DOK1: variants seen among roughly 807,000 people sequenced by gnomAD.
The protein encoded by DOK1 is docking protein 1, also known as Downstream of tyrosine kinase 1.
A neutral mutation model predicts 24.0 loss-of-function variants in DOK1; 12 were observed. The ratio of observed to expected loss-of-function variants is 0.50; its 90% CI spans 0.32 to 0.81. The LOEUF is 0.81. DOK1 is among the 30% of genes least tolerant of loss of function. The probability of loss-of-function intolerance (pLI) is 0.03; values close to 1 mark genes in which losing one functional copy is unlikely to be tolerated. For synonymous variants in DOK1, 250 were observed against 260.9 expected (o/e 0.96, Z 0.40); for missense variants, 591 against 620.7 (o/e 0.95, Z 0.51).
At position 74,557,204 on chromosome 2, in the gene DOK1, A is replaced by G; in HGVS notation, c.*90A>G. 7.5e-7 allele frequency: 1 copy of G among 1,334,288 alleles called. No homozygotes were observed. The highest frequency in any genetic ancestry group is 1.4e-5 in the South Asian group (1 of 69,194). 82.7% of individuals were successfully genotyped at this position (1,334,288 alleles called of 1,614,324 possible). On this transcript the variant is annotated 3_prime_UTR_variant, in exon 5 of 5. Transcript: ENST00000233668. ...GATGGTTAGAACCAGCAGAAGCCAGAGGGTGGGAGGGGCCATGCTGTGTGA... is the reference window on the plus strand; with the variant it reads ...GATGGTTAGAACCAGCAGAAGCCAGGGGGTGGGAGGGGCCATGCTGTGTGA...
upstream of DOK1, chr2:74,554,407 T>TAAAAAA: frequency 3.4e-6 from 1 of 293,412 alleles, no homozygotes; most frequent in Non-Finnish European, 6.4e-6. The surrounding 1 kb of genome is among the most constrained non-coding windows in gnomAD (Gnocchi z 4.9). Flanking sequence ...CGGGGCGCTT[T>TAAAAAA]CGGGGTGATG....
chr2:74,549,655 C>A lies in DOK1; in HGVS notation c.-358+483C>A. ...CATGTGTCCCGCCGCCCTTAAGGAACCCTGCTTGGTGTGCCTGCTGTAAAC... is the reference window on the plus strand; with the variant it reads ...CATGTGTCCCGCCGCCCTTAAGGAAACCTGCTTGGTGTGCCTGCTGTAAAC... On this transcript the variant is annotated intron_variant, in intron 1 of 4. Coordinates refer to the DOK1 transcript ENST00000409429. The surrounding 1 kb of genome is among the most constrained non-coding windows in gnomAD (Gnocchi z 5.3). The A allele has an allele frequency of 2.0e-6, 3 of 1,510,138 alleles. No homozygotes were observed. Among genetic ancestry groups the A allele is most frequent in the Non-Finnish European group, 2.7e-6 (3 of 1,121,424 alleles). The allele number at this position is 1,510,138 out of a possible 1,614,324, so 93.5% of individuals were successfully genotyped here. A position where few individuals can be genotyped will look rare whatever the true frequency, so the allele number is the denominator to read the frequency against.
upstream of DOK1, chr2:74,553,921 T>G (rs1315566540): frequency 1.4e-5 from 2 of 147,132 alleles, no homozygotes; most frequent in Admixed American, 6.7e-5. Flanking sequence ...GTGCTGGTCC[T>G]GGAGATCAGT....
In DOK1 at chr2:74,556,388, C is replaced by A; in HGVS notation, c.720C>A (p.Asp240Glu). The change falls in exon 5 of 5, where the codon GAC (aspartate) becomes GAA (glutamate). Residue 240 changes from aspartate (D) to glutamate (E), a missense_variant. Transcript: ENST00000233668. This position sits in a 1 kb window ranked among gnomAD's most constrained non-coding sequence, Gnocchi z 4.1. Reference sequence around the variant, plus strand: ...CCTTCCAGACGGCACAGGGAAATGACATCTTCCAGGCAGTTGAGACTGCCA... The same window carrying A: ...CCTTCCAGACGGCACAGGGAAATGAAATCTTCCAGGCAGTTGAGACTGCCA... Reference protein sequence around the residue: ...TFTFQTAQGNDIFQAVETAIH... With the variant: ...TFTFQTAQGNEIFQAVETAIH... 6.2e-7 allele frequency: 1 copy of A among 1,614,082 alleles called. No individual in the cohort carries two copies. The highest frequency in any genetic ancestry group is 8.5e-7 in the Non-Finnish European group (1 of 1,180,038).
Position 74,555,909 on chromosome 2 carries a change from T to A in DOK1, c.470T>A (p.Val157Glu). 3 of 1,605,506 alleles carry A rather than the reference T, an allele frequency of 1.9e-6. No homozygotes were observed. Among genetic ancestry groups the A allele is most frequent in the Non-Finnish European group, 2.6e-6 (3 of 1,175,674 alleles). The change falls in exon 4 of 5, where the codon GTA becomes GAA. Residue 157 changes from valine (V) to glutamate (E), a missense_variant. Val to Glu is a moderately radical substitution (Grantham distance 121). Transcript: ENST00000233668. This position sits in a 1 kb window ranked among gnomAD's most constrained non-coding sequence, Gnocchi z 6.1. The part of the protein sequence containing the change: ...SPTWEGSQFW[V>E]TVQRTEAAER... ...TGCCTTCCAGGATCCCAATTCTGGG[T>A]AACGGTGCAGAGGACTGAGGCCGCC...
chr2:74,555,269 G>T lies in DOK1; in HGVS notation c.176G>T (p.Arg59Leu). ...GGGGGTGGCCGAGGGAGCTCGCGCC[G>T]CCTGGACTGCAAAGTGATCCGTCTG... is the stretch of plus-strand genomic sequence containing the variant. Reference protein sequence around the residue: ...SSGGGRGSSRRLDCKVIRLAE... With the variant: ...SSGGGRGSSRLLDCKVIRLAE... The change falls in exon 2 of 5, where the codon CGC (arginine) becomes CTC (leucine). Residue 59 changes from arginine (R) to leucine (L), a missense_variant. Arg to Leu is a moderately radical substitution (Grantham distance 102). Coordinates refer to ENST00000233668, the MANE Select transcript of DOK1 (RefSeq NM_001381.5). The surrounding 1 kb of genome is among the most constrained non-coding windows in gnomAD (Gnocchi z 6.1). 6.2e-7 allele frequency: 1 copy of T among 1,614,060 alleles called. No homozygotes were observed. The highest frequency in any genetic ancestry group is 8.5e-7 in the Non-Finnish European group (1 of 1,180,024).
In DOK1 at chr2:74,549,522, C is replaced by G; in HGVS notation, c.-358+350C>G. On this transcript the variant is annotated intron_variant, in intron 1 of 4. Transcript: ENST00000409429. This position sits in a 1 kb window ranked among gnomAD's most constrained non-coding sequence, Gnocchi z 5.3. ...CAGCCCCTCCGTCACGGGCAGGGGTCGTCTGCCCCACCCAACGGCGGGTCG... is the reference window on the plus strand; with the variant it reads ...CAGCCCCTCCGTCACGGGCAGGGGTGGTCTGCCCCACCCAACGGCGGGTCG... 1 of 1,613,448 alleles carries G rather than the reference C, an allele frequency of 6.2e-7. No individual in the cohort carries two copies. The highest frequency in any genetic ancestry group is 8.5e-7 in the Non-Finnish European group (1 of 1,179,616).
chr2:74,554,663 A>AG (rs1184977164), upstream of DOK1: 60 of 1,274,366 alleles, frequency 4.7e-5, no homozygotes, highest in Non-Finnish European at 6.1e-5. This position sits in a 1 kb window ranked among gnomAD's most constrained non-coding sequence, Gnocchi z 4.9. Context: ...GGGGCCGGGG[A>AG]GGGGCGGAAA....
Position 74,557,352 on chromosome 2 carries a change from T to G in DOK1, c.*238T>G. ...TCCCCCAAAGCCATCCCTTCCCTAC[T>G]TCCCCAAATGAAGGGACGGCTGTGG... On this transcript the variant is annotated 3_prime_UTR_variant, in exon 5 of 5. Coordinates refer to ENST00000233668, the MANE Select transcript of DOK1 (RefSeq NM_001381.5). 3 of 464,678 alleles carry G rather than the reference T, an allele frequency of 6.5e-6. No individual in the cohort carries two copies. Among genetic ancestry groups the G allele is most frequent in the East Asian group, 3.4e-5 (1 of 29,320 alleles). The allele number at this position is 464,678 out of a possible 1,614,324, so 28.8% of individuals were successfully genotyped here. A position where few individuals can be genotyped will look rare whatever the true frequency, so the allele number is the denominator to read the frequency against.
At chr2:74,553,100 A>C (rs1291651873), upstream of DOK1, 2 of 157,858 alleles carry the variant, frequency 1.3e-5, no homozygotes, top group Non-Finnish European at 2.8e-5. Flanking sequence ...AACCAAGCAC[A>C]CCGCGGGTGA....
chr2:74,552,927 G>C, upstream of DOK1: 2 of 390,654 alleles, frequency 5.1e-6, no homozygotes, highest in Non-Finnish European at 9.2e-6. Context: ...AAAAGAGATA[G>C]AGACTGAGCA....
Position 74,549,523 on chromosome 2 carries a change from G to C in DOK1, c.-358+351G>C. ...AGCCCCTCCGTCACGGGCAGGGGTCGTCTGCCCCACCCAACGGCGGGTCGA... is the reference window on the plus strand; with the variant it reads ...AGCCCCTCCGTCACGGGCAGGGGTCCTCTGCCCCACCCAACGGCGGGTCGA... On this transcript the variant is annotated intron_variant, in intron 1 of 4. Coordinates refer to the DOK1 transcript ENST00000409429. The surrounding 1 kb of genome is among the most constrained non-coding windows in gnomAD (Gnocchi z 5.3). 1 of 1,613,322 alleles carries C rather than the reference G, an allele frequency of 6.2e-7. No individual in the cohort carries two copies. The highest frequency in any genetic ancestry group is 8.5e-7 in the Non-Finnish European group (1 of 1,179,550).
upstream of DOK1, chr2:74,550,168 G>A (rs201826141): frequency 6.3e-5 from 102 of 1,609,220 alleles, 1 homozygote; most frequent in Middle Eastern, 6.6e-4. Flanking sequence ...GTGTGTGTAT[G>A]TCTAGGAAAT....
upstream of DOK1, chr2:74,552,623 G>C: frequency 6.4e-7 from 1 of 1,562,494 alleles, no homozygotes; most frequent in Non-Finnish European, 8.7e-7. Flanking sequence ...GCCAGACACT[G>C]ACAGGTCGCA....
Position 74,555,931 on chromosome 2 carries a change from C to T in DOK1, c.492C>T (p.Ala164=). ...QFWVTVQRTE[A]AERCGLHGSY... is the part of the protein sequence containing the mutation. Reference sequence around the variant, plus strand: ...GGGTAACGGTGCAGAGGACTGAGGCCGCCGAGCGCTGTGGCCTGCATGGCT... The same window carrying T: ...GGGTAACGGTGCAGAGGACTGAGGCTGCCGAGCGCTGTGGCCTGCATGGCT... Residue 164 remains alanine (A), a synonymous_variant, in exon 4 of 5, where the codon GCC becomes GCT. Transcript: ENST00000233668. The surrounding 1 kb of genome is among the most constrained non-coding windows in gnomAD (Gnocchi z 6.1). The T allele has an allele frequency of 5.0e-6, 8 of 1,612,330 alleles. No homozygotes were observed. The highest frequency in any genetic ancestry group is 3.3e-5 in the South Asian group (3 of 90,868).
At chr2:74,549,767 C>G (rs552410033), upstream of DOK1, 1 of 1,428,692 alleles carries the variant, frequency 7.0e-7, no homozygotes, top group South Asian at 1.6e-5. This position sits in a 1 kb window ranked among gnomAD's most constrained non-coding sequence, Gnocchi z 5.3. Flanking sequence ...CAGCCAGCAG[C>G]GCGTGGGATG....
upstream of DOK1, chr2:74,553,853 G>C (rs1457038819): frequency 9.9e-5 from 15 of 152,198 alleles, no homozygotes. Flanking sequence ...CATTCCCTCT[G>C]CGGTTAGCGT....
rs1677410634 is a variant in DOK1 at position 74,555,817 on chromosome 2, A to G, written c.455-77A>G. On this transcript the variant is annotated intron_variant, in intron 3 of 4. Transcript: ENST00000233668. The surrounding 1 kb of genome is among the most constrained non-coding windows in gnomAD (Gnocchi z 6.1). ...GCTTCCGAGTGAGTGCTTGGACACT[A>G]TGCTCATGAGTCCTCTGGGTCCCCA... is the stretch of plus-strand genomic sequence containing the variant. 5 of 1,583,072 alleles carry G rather than the reference A, an allele frequency of 3.2e-6. No individual in the cohort carries two copies. The Admixed American group carries it at 8.9e-5, about 28-fold the overall frequency.
Position 74,555,570 on chromosome 2 carries a change from T to C in DOK1, c.361-5T>C. On this transcript the variant is annotated splice_region_variant and splice_polypyrimidine_tract_variant and intron_variant, in intron 2 of 4. Transcript: ENST00000233668. The surrounding 1 kb of genome is among the most constrained non-coding windows in gnomAD (Gnocchi z 6.1). ...TTACGGGTTTCTCGATGCTCTCTACTACAGAAAGGCAGCTGGACTCTGGCG... is the reference window on the plus strand; with the variant it reads ...TTACGGGTTTCTCGATGCTCTCTACCACAGAAAGGCAGCTGGACTCTGGCG... The C allele has an allele frequency of 9.3e-6, 15 of 1,611,936 alleles. No homozygotes were observed. Among genetic ancestry groups the C allele is most frequent in the Non-Finnish European group, 1.3e-5 (15 of 1,179,664 alleles).
Sources: allele counts gnomAD v4.1 joint callset, GRCh38; gene constraint gnomAD v4.1.1; non-coding constraint Gnocchi (gnomAD v3.1); transcripts MANE v1.5; gene names NCBI Gene and HGNC (gene_info 2026-07-23, HGNC 2026-07-21).